CUX2: variants seen among roughly 807,000 people sequenced by gnomAD.
CUX2 encodes the protein cut like homeobox 2, also known as homeobox protein cut-like 2.
In CUX2, 40 loss-of-function variants were observed where a neutral mutation model predicts 144.8. The ratio of observed to expected loss-of-function variants is 0.28; its 90% confidence interval spans 0.21 to 0.36. CUX2 has a LOEUF of 0.36. Ranked by LOEUF, CUX2 falls within the 10% of genes least tolerant of loss-of-function variation. The probability of loss-of-function intolerance (pLI) is 1.00; values close to 1 mark genes in which losing one functional copy is unlikely to be tolerated. For missense variants in CUX2, 1,615 were observed against 1,994.0 expected, an observed-to-expected ratio of 0.81 and a Z score of 3.62; for synonymous variants, 827 against 875.6, an observed-to-expected ratio of 0.94 and a Z score of 0.98.
In CUX2 at chr12:111,330,710, T is replaced by TACATATAC. The variant is rs1257830853; in HGVS notation, c.2927-3730_2927-3729insCATATACA. On this transcript the variant is annotated intron_variant, in intron 18 of 21. Transcript: ENST00000261726. ...ACATATATATATATATATATATATA[T>TACATATAC]ATATATATATATATATATATATATA... Among the ~76,000 whole-genome samples the TACATATAC allele has an allele frequency of 3.7e-3, 88 of 23,832 alleles. 5 individuals are homozygous for TACATATAC. The highest frequency in any genetic ancestry group is 0.015 in the African/African-American group (82 of 5,638). The allele number at this position is 23,832 out of a possible 152,430, so 15.6% of individuals were successfully genotyped here. A position where few individuals can be genotyped will look rare whatever the true frequency, so the allele number is the denominator to read the frequency against.
At chr12:111,267,500 A>G (rs1348971163) in intron 4 of CUX2, among the ~76,000 whole-genome samples, 3 of 152,182 alleles carry the variant, frequency 2.0e-5, no homozygotes, top group Non-Finnish European at 4.4e-5. Flanking sequence ...GGGTCTCATC[A>G]TGTATAACAA....
At chr12:111,156,108 C>T (rs1180318354) in intron 1 of CUX2, among the ~76,000 whole-genome samples, 1 of 152,142 alleles carries the variant, frequency 6.6e-6, no homozygotes, top group Non-Finnish European at 1.5e-5. Flanking sequence ...GAGTTTAAGA[C>T]TTTAATAGTC....
At chr12:111,291,603 A>G in intron 5 of CUX2, 51 bp downstream of exon 5, 1 of 1,498,718 alleles carries the variant, frequency 6.7e-7, no homozygotes, top group South Asian at 1.4e-5. Context: ...CAGGCTGCAG[A>G]TCTTCAGAGC....
intron 1 of CUX2, among the ~76,000 whole-genome samples, chr12:111,050,398 C>G (rs16941217): frequency 0.041 from 6,278 of 152,268 alleles, 423 homozygotes; most frequent in African/African-American, 0.14. Flanking sequence ...TCAAACCTCT[C>G]TGTACAATAG....
intron 1 of CUX2, chr12:111,100,199 GTGTA>G (rs1873129837): frequency 1.9e-5 from 7 of 373,040 alleles, no homozygotes; most frequent in South Asian, 9.9e-5. Flanking sequence ...GTGTGTGTGT[GTGTA>G]TGTGTGTGTG....
intron 1 of CUX2, among the ~76,000 whole-genome samples, chr12:111,146,161 A>G (rs1327051350): frequency 6.6e-6 from 1 of 152,248 alleles, no homozygotes; most frequent in African/African-American, 2.4e-5. Context: ...GACATGTGTT[A>G]TAACTGATGA....
In CUX2 at chr12:111,059,175, C is replaced by T. The variant is rs567311311; in HGVS notation, c.63+24935C>T. ...CCAGCCCTCACTCAAAATGGAGTCGCTCTGGTTCAAATGTCTCTGACAGTG... is the reference window on the plus strand; with the variant it reads ...CCAGCCCTCACTCAAAATGGAGTCGTTCTGGTTCAAATGTCTCTGACAGTG... On this transcript the variant is annotated intron_variant, in intron 1 of 21. Transcript: ENST00000261726. This position sits in a 1 kb window ranked among gnomAD's most constrained non-coding sequence, Gnocchi z 5.3. 5.9e-5 allele frequency among the ~76,000 whole-genome samples: 9 copies of T among 152,276 alleles called. No individual in the cohort carries two copies. The East Asian group carries it at 1.7e-3, about 29-fold the overall frequency.
intron 20 of CUX2, among the ~76,000 whole-genome samples, chr12:111,340,147 G>C (rs1297918552): frequency 1.3e-5 from 2 of 152,190 alleles, no homozygotes; most frequent in Non-Finnish European, 2.9e-5. Flanking sequence ...AGTGAGCCAA[G>C]AGGATCGTGC....
intron 1 of CUX2, among the ~76,000 whole-genome samples, chr12:111,082,885 T>C (rs1283225154): frequency 6.6e-6 from 1 of 152,108 alleles, no homozygotes; most frequent in African/African-American, 2.4e-5. Context: ...GAAGAGGGGT[T>C]GCTGGGTAGC....
intron 1 of CUX2, among the ~76,000 whole-genome samples, chr12:111,155,502 C>T (rs1332801387): frequency 1.3e-5 from 2 of 152,212 alleles, no homozygotes; most frequent in African/African-American, 4.8e-5. Flanking sequence ...AACAGACTTG[C>T]ACTCCCAATG....
intron 1 of CUX2, among the ~76,000 whole-genome samples, chr12:111,090,693 G>T (rs1045816487): frequency 6.6e-6 from 1 of 152,048 alleles, no homozygotes; most frequent in African/African-American, 2.4e-5. Context: ...ACCTTGCAGT[G>T]AACTGCAAAA....
intron 15 of CUX2, among the ~76,000 whole-genome samples, chr12:111,311,638 A>T (rs1592951729): frequency 7.6e-6 from 1 of 131,108 alleles, no homozygotes; most frequent in Non-Finnish European, 1.5e-5. Context: ...TTGTTCTGTT[A>T]CTCAGGCTGG....
At chr12:111,050,379 C>T (rs1870206181) in intron 1 of CUX2, among the ~76,000 whole-genome samples, 2 of 152,196 alleles carry the variant, frequency 1.3e-5, no homozygotes. Flanking sequence ...CAGTCCCTGC[C>T]TCTGGGTGTC....
intron 1 of CUX2, among the ~76,000 whole-genome samples, chr12:111,046,298 G>A (rs1869992201): frequency 6.6e-6 from 1 of 152,240 alleles, no homozygotes; most frequent in South Asian, 2.1e-4. Flanking sequence ...GTGCAGGCCT[G>A]GGATTTCTTT....
chr12:111,279,400 A>G (rs958011002), intron 4 of CUX2, among the ~76,000 whole-genome samples: 1 of 152,236 alleles, frequency 6.6e-6, no homozygotes, highest in African/African-American at 2.4e-5. Context: ...CCAGAAAGAT[A>G]TGTTGAAGTC....
At chr12:111,236,206 G>A (rs908594635) in intron 3 of CUX2, among the ~76,000 whole-genome samples, 1 of 152,092 alleles carries the variant, frequency 6.6e-6, no homozygotes, top group African/African-American at 2.4e-5. Flanking sequence ...TTTTCCCATT[G>A]AGACCAAACA....
intron 1 of CUX2, among the ~76,000 whole-genome samples, chr12:111,074,880 G>A (rs1238288748): frequency 6.6e-6 from 1 of 150,662 alleles, no homozygotes; most frequent in Non-Finnish European, 1.5e-5. Context: ...CTCGGGCCCA[G>A]GCCTGAGCCT....
At position 111,312,247 on chromosome 12, in the gene CUX2, C is replaced by T. The variant is rs1886946841; in HGVS notation, c.2002+46C>T. The T allele has an allele frequency of 6.6e-7, 1 of 1,507,984 alleles. No homozygotes were observed. Among genetic ancestry groups the T allele is most frequent in the Non-Finnish European group, 9.0e-7 (1 of 1,105,442 alleles). 93.4% of individuals were successfully genotyped at this position (1,507,984 alleles called of 1,614,324 possible). On this transcript the variant is annotated intron_variant, in intron 16 of 21. Coordinates refer to ENST00000261726, the MANE Select transcript of CUX2 (RefSeq NM_015267.4). The surrounding 1 kb of genome is among the most constrained non-coding windows in gnomAD (Gnocchi z 4.3). ...CAAAGCCTGAGGCCCCCGGGGCCAG[C>T]TGCGAACAGGAGATGAGGCTTCGTC...
intron 1 of CUX2, among the ~76,000 whole-genome samples, chr12:111,134,350 T>G (rs111551677): frequency 6.6e-6 from 1 of 152,226 alleles, no homozygotes; most frequent in Admixed American, 6.5e-5. Context: ...TGATTTGGAA[T>G]ATCTATTGGA....
Sources: gnomAD v4.1 joint callset for allele counts (sites outside exome capture counted in the v4.1 genomes callset) on GRCh38, gnomAD v4.1.1 for gene constraint, Gnocchi (gnomAD v3.1) non-coding constraint, MANE v1.5 for transcripts, NCBI Gene and HGNC (gene_info 2026-07-23, HGNC 2026-07-21) for gene names.